The following GPC6 variants were observed in gnomAD, a reference collection of about 807,000 sequenced individuals.
GPC6 encodes the protein glypican 6, also known as glypican-6.
GPC6 carries 14 observed loss-of-function variants against 55.2 expected under a neutral mutation model. The ratio of observed to expected loss-of-function variants is 0.25; its 90% confidence interval spans 0.17 to 0.40. GPC6 has a LOEUF of 0.40. Ranked by LOEUF, GPC6 falls within the 10% of genes least tolerant of loss-of-function variation. GPC6 has a pLI of 1.00. For synonymous variants in GPC6, 278 were observed against 259.6 expected (o/e 1.07, Z -0.68); for missense variants, 641 against 708.5 (o/e 0.90, Z 1.08).
chr13:93,237,190 G>A (rs1179292647), intron 1 of GPC6, among the ~76,000 whole-genome samples: 4 of 152,184 alleles, frequency 2.6e-5, no homozygotes, highest in Non-Finnish European at 5.9e-5. Flanking sequence ...CCCACCAACA[G>A]TATATAAGCA....
chr13:93,695,458 T>C (rs1882419775), intron 2 of GPC6, among the ~76,000 whole-genome samples: 2 of 151,952 alleles, frequency 1.3e-5, no homozygotes, highest in Non-Finnish European at 2.9e-5. Flanking sequence ...TATTATAATT[T>C]AAATATTTAT....
intron 4 of GPC6, among the ~76,000 whole-genome samples, chr13:94,255,162 T>C (rs1891466824): frequency 6.6e-6 from 1 of 152,154 alleles, no homozygotes; most frequent in Non-Finnish European, 1.5e-5. Context: ...AGGGAAGCAA[T>C]TGATCCTTTT....
In GPC6 at chr13:94,279,055, C is replaced by T. The variant is rs558144931; in HGVS notation, c.878-7294C>T. ...CCTCTGGTAGAATTCGGCTGTGAATCTGTCTGGTCCTGGGCTTTTTTTGGT... is the reference window on the plus strand; with the variant it reads ...CCTCTGGTAGAATTCGGCTGTGAATTTGTCTGGTCCTGGGCTTTTTTTGGT... On this transcript the variant is annotated intron_variant, in intron 4 of 8. Transcript: ENST00000377047. Among the ~76,000 whole-genome samples the T allele has an allele frequency of 1.8e-3, 279 of 152,238 alleles. 2 individuals are homozygous for T. The highest frequency in any genetic ancestry group is 3.5e-3 in the South Asian group (17 of 4,820).
At chr13:94,374,887 A>G (rs1170459576) in intron 6 of GPC6, among the ~76,000 whole-genome samples, 2 of 141,620 alleles carry the variant, frequency 1.4e-5, no homozygotes, top group Non-Finnish European at 3.0e-5. Context: ...CAATCAAACT[A>G]GAACTCAGGA....
At chr13:93,879,421 C>G (rs534985684) in intron 3 of GPC6, among the ~76,000 whole-genome samples, 112 of 152,124 alleles carry the variant, frequency 7.4e-4, no homozygotes, top group African/African-American at 2.7e-3. Context: ...ATATCTACAA[C>G]TATCTGATCT....
At chr13:93,908,195 G>A (rs545211623) in intron 3 of GPC6, among the ~76,000 whole-genome samples, 2 of 152,276 alleles carry the variant, frequency 1.3e-5, no homozygotes, top group African/African-American at 4.8e-5. Context: ...AAAGGTAAAG[G>A]CAGATTAACC....
At chr13:93,526,845 A>G (rs1250901704) in intron 1 of GPC6, among the ~76,000 whole-genome samples, 2 of 152,044 alleles carry the variant, frequency 1.3e-5, no homozygotes, top group Non-Finnish European at 2.9e-5. Flanking sequence ...GCATATTTTG[A>G]TTTAAATGCT....
At chr13:93,509,328 G>C (rs1428819653) in intron 1 of GPC6, among the ~76,000 whole-genome samples, 3 of 152,148 alleles carry the variant, frequency 2.0e-5, no homozygotes, top group Non-Finnish European at 4.4e-5. Flanking sequence ...AATATCAAAT[G>C]AATGTAGTAG....
chr13:93,226,052 G>C (rs319520), upstream of GPC6, among the ~76,000 whole-genome samples: 1 of 152,136 alleles, frequency 6.6e-6, no homozygotes, highest in African/African-American at 2.4e-5. Context: ...CAGAACATCA[G>C]TGTAAATGGA....
chr13:94,360,061 C>T (rs995132906), intron 6 of GPC6, among the ~76,000 whole-genome samples: 1 of 152,188 alleles, frequency 6.6e-6, no homozygotes, highest in African/African-American at 2.4e-5. Flanking sequence ...TTCCAGCCTA[C>T]ATATGCAGCC....
intron 2 of GPC6, among the ~76,000 whole-genome samples, chr13:93,582,624 A>G (rs931100736): frequency 6.6e-6 from 1 of 152,162 alleles, no homozygotes; most frequent in Non-Finnish European, 1.5e-5. Context: ...GGTACTCTTT[A>G]TCTTTATTTT....
chr13:93,859,784 GACT>G (rs1888750399), intron 3 of GPC6, among the ~76,000 whole-genome samples: 1 of 151,588 alleles, frequency 6.6e-6, no homozygotes, highest in South Asian at 2.1e-4. Context: ...CCTCATGACT[GACT>G]GACTCATGCC....
intron 2 of GPC6, among the ~76,000 whole-genome samples, chr13:93,719,811 G>A (rs1194576966): frequency 6.6e-6 from 1 of 151,594 alleles, no homozygotes; most frequent in Non-Finnish European, 1.5e-5. Context: ...TTAATTTTAT[G>A]AAGGCCTTTT....
intron 2 of GPC6, among the ~76,000 whole-genome samples, chr13:93,786,617 A>G (rs530052242): frequency 6.6e-6 from 1 of 152,244 alleles, no homozygotes; most frequent in East Asian, 1.9e-4. Context: ...AACCATTAAA[A>G]TGCAATAAAT....
chr13:93,280,449 C>T (rs1416715856), intron 1 of GPC6, among the ~76,000 whole-genome samples: 5 of 152,204 alleles, frequency 3.3e-5, no homozygotes, highest in Admixed American at 6.5e-5. Context: ...TGATGCATTG[C>T]ATTACATGTC....
intron 5 of GPC6, among the ~76,000 whole-genome samples, chr13:94,287,390 A>G (rs1892560930): frequency 6.6e-6 from 1 of 152,192 alleles, no homozygotes; most frequent in Admixed American, 6.5e-5. Context: ...TCCTTTGTGA[A>G]AGAGATTTCA....
At chr13:94,128,490 G>T (rs879155559) in intron 4 of GPC6, among the ~76,000 whole-genome samples, 1 of 152,120 alleles carries the variant, frequency 6.6e-6, no homozygotes, top group African/African-American at 2.4e-5. Flanking sequence ...AGGTGGGGAC[G>T]CTACACTTGT....
At chr13:93,235,009 G>GC (rs1352902938) in intron 1 of GPC6, among the ~76,000 whole-genome samples, 24 of 152,036 alleles carry the variant, frequency 1.6e-4, no homozygotes, top group African/African-American at 5.8e-4. Flanking sequence ...TTTCTGCTCT[G>GC]TCAGTGAAAA....
chr13:94,301,002 T>G (rs572602008), intron 5 of GPC6, among the ~76,000 whole-genome samples: 1 of 152,118 alleles, frequency 6.6e-6, no homozygotes. Context: ...ACCTTCACAG[T>G]ATATCTCAGG....
Sources: allele counts gnomAD v4.1 joint callset (sites outside exome capture counted in the v4.1 genomes callset), GRCh38; gene constraint gnomAD v4.1.1; transcripts MANE v1.5; gene names NCBI Gene and HGNC (gene_info 2026-07-23, HGNC 2026-07-21).